XG: variants seen among roughly 807,000 people sequenced by gnomAD.
XG encodes the protein glycoprotein Xg.
Under a neutral mutation model 25.7 loss-of-function variants are expected in XG, and 24 were observed. The ratio of observed to expected loss-of-function variants is 0.93; its 90% CI spans 0.68 to 1.31. XG has a LOEUF of 1.31. XG is among the 40% of genes most tolerant of loss of function. XG has a pLI of 0.00. For missense variants in XG, 181 were observed against 187.6 expected (o/e 0.96, Z 0.21); for synonymous variants, 77 against 69.2 (o/e 1.11, Z -0.56).
At chrX:2,806,200 T>A (rs1425703023) in intron 7 of XG, among the ~76,000 whole-genome samples, 2 of 105,135 alleles carry the variant, frequency 1.9e-5, no homozygotes, top group African/African-American at 6.9e-5. Flanking sequence ...ACCCAGCTAT[T>A]TTTTTTTTTT....
chrX:2,801,717 A>AT (rs200654423), intron 7 of XG, among the ~76,000 whole-genome samples: 5,344 of 107,531 alleles, frequency 0.05, 401 homozygotes, highest in African/African-American at 0.17. Flanking sequence ...TTTATTTTTT[A>AT]TTTTTTTTTG....
rs186507472 is a variant in XG at position 2,776,425 on chromosome X, A to G, written c.127+1686A>G. On this transcript the variant is annotated intron_variant, in intron 3 of 10. Transcript: ENST00000644266. Reference sequence around the variant, plus strand: ...TTACTAATCAGACGAATTCCCGGGAACTGCGGATGTAGCTCGCCACAGTAT... The same window carrying G: ...TTACTAATCAGACGAATTCCCGGGAGCTGCGGATGTAGCTCGCCACAGTAT... Among the ~76,000 whole-genome samples the G allele has an allele frequency of 8.8e-3, 1,343 of 152,190 alleles. 2 individuals carry two copies. Among genetic ancestry groups the G allele is most frequent in the South Asian group, 0.053 (252 of 4,798 alleles).
At chrX:2,810,146 C>A (rs2087040966) in intron 9 of XG, among the ~76,000 whole-genome samples, 1 of 112,117 alleles carries the variant, frequency 8.9e-6, no homozygotes, top group African/African-American at 3.2e-5. Context: ...AGCATGGCAG[C>A]CTCATTCGTG....
At chrX:2,808,653 G>A in intron 9 of XG, 1 of 555,459 alleles carries the variant, frequency 1.8e-6, no homozygotes, top group Non-Finnish European at 2.2e-6. Flanking sequence ...GGGAGAACTT[G>A]AAGCCCAGAA....
chrX:2,797,419 G>C, intron 7 of XG, 59 bp downstream of exon 7: 1 of 1,161,604 alleles, frequency 8.6e-7, no homozygotes, highest in Non-Finnish European at 1.2e-6. Flanking sequence ...CATCTTTCTA[G>C]GGCTCCCGCT....
At chrX:2,778,138 A>T (rs1265053086) in intron 3 of XG, among the ~76,000 whole-genome samples, 1 of 152,224 alleles carries the variant, frequency 6.6e-6, no homozygotes, top group Non-Finnish European at 1.5e-5. Context: ...ATCTTGACCC[A>T]GCCTGCACCT....
intron 1 of XG, among the ~76,000 whole-genome samples, chrX:2,767,957 A>T (rs1203461988): frequency 6.6e-6 from 1 of 151,878 alleles, no homozygotes; most frequent in Admixed American, 6.6e-5. Flanking sequence ...TTCCTCTGTG[A>T]CCCTCCCCAC....
At chrX:2,791,714 A>C (rs1454445033) in intron 5 of XG, among the ~76,000 whole-genome samples, 1 of 110,200 alleles carries the variant, frequency 9.1e-6, no homozygotes, top group Non-Finnish European at 1.9e-5. Context: ...TCACTGCTGC[A>C]TTCCCTAGTC....
intron 10 of XG, among the ~76,000 whole-genome samples, chrX:2,811,664 C>T (rs1338686856): frequency 1.8e-5 from 2 of 111,787 alleles, no homozygotes; most frequent in South Asian, 3.8e-4. Flanking sequence ...GGCAGGACCT[C>T]GGCTCACTGC....
At chrX:2,812,339 A>C (rs780976145) in intron 10 of XG, among the ~76,000 whole-genome samples, 55 of 111,530 alleles carry the variant, frequency 4.9e-4, no homozygotes, top group African/African-American at 1.7e-3. Flanking sequence ...AGGATGCCCT[A>C]AAGAAATCTC....
rs961582848 is a variant in XG at position 2,765,333 on chromosome X, A to G, written c.62-5217A>G. Among the ~76,000 whole-genome samples, 9 of 151,486 alleles carry G rather than the reference A, an allele frequency of 5.9e-5. No homozygotes were observed. The Admixed American group carries it at 5.9e-4, about 10-fold the overall frequency. On this transcript the variant is annotated intron_variant, in intron 1 of 10. Coordinates refer to ENST00000644266, the MANE Select transcript of XG (RefSeq NM_001141919.2). ...GCCATTGCACTGCAGCCTGGGCAAC[A>G]TAGTGAGGTTCTGTATGAGAGAAAG...
intron 10 of XG, among the ~76,000 whole-genome samples, chrX:2,813,427 G>A (rs774485564): frequency 8.9e-6 from 1 of 112,452 alleles, no homozygotes; most frequent in East Asian, 2.8e-4. Context: ...GGGGCTCAGA[G>A]CTCTGCGAAC....
At chrX:2,764,219 C>T (rs1381376160) in intron 1 of XG, among the ~76,000 whole-genome samples, 1 of 152,166 alleles carries the variant, frequency 6.6e-6, no homozygotes, top group Non-Finnish European at 1.5e-5. Flanking sequence ...AAAGAGGAGG[C>T]ATGAATGGGC....
intron 2 of XG, among the ~76,000 whole-genome samples, chrX:2,773,204 G>A (rs1330432518): frequency 6.7e-6 from 1 of 150,088 alleles, no homozygotes; most frequent in Non-Finnish European, 1.5e-5. Context: ...GGAAGAAAAG[G>A]AAGAAGAGAG....
At chrX:2,765,336 G>A (rs1603304452) in intron 1 of XG, among the ~76,000 whole-genome samples, 1 of 149,706 alleles carries the variant, frequency 6.7e-6, no homozygotes, top group Middle Eastern at 3.4e-3. Context: ...GGGCAACATA[G>A]TGAGGTTCTG....
chrX:2,761,851 C>CT (rs1355395429), intron 1 of XG, among the ~76,000 whole-genome samples: 2 of 152,230 alleles, frequency 1.3e-5, no homozygotes, highest in African/African-American at 4.8e-5. Context: ...AGACTTCCAG[C>CT]TTCCAGGACT....
In XG at chrX:2,789,664, C is replaced by A. The variant is rs2086818214; in HGVS notation, c.211C>A (p.Pro71Thr). ...AACAGATATCTACCCAAGGCCAAAGCCACGCCCTCAACCCCAGCCTGGCAA... is the reference window on the plus strand; with the variant it reads ...AACAGATATCTACCCAAGGCCAAAGACACGCCCTCAACCCCAGCCTGGCAA... ...SGGNIYPRPK[P>T]RPQPQPGNSG... is the part of the protein sequence containing the mutation. The change falls in exon 5 of 11, where the codon CCA becomes ACA. Residue 71 changes from proline to threonine, a missense_variant. Coordinates refer to ENST00000644266, the MANE Select transcript of XG (RefSeq NM_001141919.2). 1 of 1,168,451 alleles carries A rather than the reference C, an allele frequency of 8.6e-7. No individual in the cohort carries two copies. The highest frequency in any genetic ancestry group is 1.1e-6 in the Non-Finnish European group (1 of 872,799).
intron 1 of XG, among the ~76,000 whole-genome samples, chrX:2,765,962 G>C (rs750900775): frequency 3.9e-5 from 6 of 152,352 alleles, no homozygotes; most frequent in Non-Finnish European, 8.8e-5. Context: ...GTATACACGG[G>C]AGCATTCAGA....
rs751308578 is a variant in XG, at chrX:2,762,732, G to A, written c.62-7818G>A. ...CTTGTCACTTTCTGTTGCAACCTAC[G>A]GTCCTAACCTAGTCATATGATTTAA... is the stretch of plus-strand genomic sequence containing the variant. On this transcript the variant is annotated intron_variant, in intron 1 of 10. Transcript: ENST00000644266. Among the ~76,000 whole-genome samples the A allele has an allele frequency of 1.5e-4, 23 of 152,250 alleles. No individual in the cohort carries two copies. In the East Asian group the frequency reaches 1.5e-3, roughly 10 times the overall value.
Sources: allele counts gnomAD v4.1 joint callset (sites outside exome capture counted in the v4.1 genomes callset), GRCh38; gene constraint gnomAD v4.1.1; transcripts MANE v1.5; gene names NCBI Gene and HGNC (gene_info 2026-07-23, HGNC 2026-07-21).